UBR1: variants seen among roughly 807,000 people sequenced by gnomAD.
UBR1 encodes E3 ubiquitin-protein ligase UBR1.
In UBR1, 102 loss-of-function variants were observed where a neutral mutation model predicts 242.1. That is an observed-to-expected ratio of 0.42 (90% confidence interval 0.36 to 0.50). The LOEUF is 0.50. Among genes scored for constraint, UBR1 ranks in the 20% least tolerant of loss-of-function variants. The pLI, the probability that UBR1 is intolerant of heterozygous loss-of-function variation, is 0.01. For synonymous variants in UBR1, 675 were observed against 684.8 expected, an observed-to-expected ratio of 0.99 and a Z score of 0.22; for missense variants, 1,772 against 2,101.8, an observed-to-expected ratio of 0.84 and a Z score of 3.07.
chr15:43,001,469 C>T (rs777971589), intron 32 of UBR1, among the ~76,000 whole-genome samples: 20 of 152,364 alleles, frequency 1.3e-4, no homozygotes, highest in South Asian at 1.2e-3. Flanking sequence ...TATATTGACC[C>T]TTCTCGCCCA....
Position 42,945,134 on chromosome 15 carries a change from CT to C in UBR1, c.*194del. The C allele has an allele frequency of 1.5e-6, 1 of 680,636 alleles. No individual in the cohort carries two copies. The highest frequency in any genetic ancestry group is 2.5e-6 in the Non-Finnish European group (1 of 404,866). 42.2% of individuals were successfully genotyped at this position (680,636 alleles called of 1,614,324 possible). ...CACATAAAACAGATTGATCTATGTC[CT>C]TTTTTCCTGTGAAGCATATGTTTGC... On this transcript the variant is annotated 3_prime_UTR_variant, in exon 47 of 47. Coordinates refer to ENST00000290650, the MANE Select transcript of UBR1 (RefSeq NM_174916.3).
At chr15:42,966,131 A>G (rs2032101526) in intron 41 of UBR1, 22 bp downstream of exon 41, 1 of 1,614,106 alleles carries the variant, frequency 6.2e-7, no homozygotes, top group Non-Finnish European at 8.5e-7. Flanking sequence ...TTTCCACTCC[A>G]TGATTTCATT....
Position 43,029,928 on chromosome 15 carries a change from C to G in UBR1, c.2379+16G>C. The G allele has an allele frequency of 6.2e-7, 1 of 1,613,778 alleles. No individual in the cohort carries two copies. The highest frequency in any genetic ancestry group is 8.5e-7 in the Non-Finnish European group (1 of 1,179,888). On this transcript the variant is annotated intron_variant, in intron 21 of 46. Transcript: ENST00000290650. The stretch of plus-strand genomic sequence containing the variant: ...CATCTTGAGGTACATAGAGATAAAA[C>G]CAAAATCAGACTTACATTCTCAGGT...
intron 14 of UBR1, among the ~76,000 whole-genome samples, chr15:43,044,506 T>G (rs1464006743): frequency 6.6e-6 from 1 of 152,208 alleles, no homozygotes; most frequent in Non-Finnish European, 1.5e-5. Flanking sequence ...ATGTTTCTAA[T>G]TTAATCTTGA....
At position 43,031,127 on chromosome 15, in the gene UBR1, T is replaced by C. The variant is rs892496922; in HGVS notation, c.2255-1059A>G. On this transcript the variant is annotated intron_variant, in intron 20 of 46. Transcript: ENST00000290650. ...TAGAGTTCCTGATACTAAATCCAAA[T>C]ATTTTTCTATTTCTTAATGATTTTC... Among the ~76,000 whole-genome samples, 5 of 152,280 alleles carry C rather than the reference T, an allele frequency of 3.3e-5. No individual in the cohort carries two copies. The South Asian group carries it at 6.2e-4, about 19-fold the overall frequency.
chr15:42,977,643 T>C (rs1340901218), intron 38 of UBR1, among the ~76,000 whole-genome samples: 1 of 151,244 alleles, frequency 6.6e-6, no homozygotes, highest in East Asian at 1.9e-4. Context: ...CACCCACTAA[T>C]GTAATCAACC....
intron 19 of UBR1, 52 bp downstream of exon 19, chr15:43,036,126 T>C (rs890261815): frequency 7.1e-7 from 1 of 1,403,310 alleles, no homozygotes; most frequent in Admixed American, 1.7e-5. Context: ...ATGACTGAAA[T>C]AGTAACAATA....
chr15:43,009,695 T>G (rs1044101092), intron 29 of UBR1, among the ~76,000 whole-genome samples: 9 of 152,202 alleles, frequency 5.9e-5, no homozygotes, highest in African/African-American at 2.2e-4. Context: ...TAGTATGTAG[T>G]AGAGCCAGGA....
Position 43,048,446 on chromosome 15 carries a change from T to C in UBR1, c.1485A>G (p.Arg495=). 1.2e-6 allele frequency: 2 copies of C among 1,613,788 alleles called. No individual in the cohort carries two copies. The highest frequency in any genetic ancestry group is 1.7e-6 in the Non-Finnish European group (2 of 1,179,890). The change falls in exon 13 of 47, where the codon AGA becomes AGG. Residue 495 remains arginine (R), a synonymous_variant. Coordinates refer to ENST00000290650, the MANE Select transcript of UBR1 (RefSeq NM_174916.3). The part of the protein sequence containing the change: ...SKPTIWTERL[R]MQFLEGFRSF... ...ATCGAAAACCTTCAAGGAACTGCAT[T>C]CTTAATCTTTCTGTCCATATTGTGG...
At chr15:43,036,343 A>G (rs1246393259) in intron 18 of UBR1, 64 bp from the exon 19 acceptor site, 1 of 1,468,452 alleles carries the variant, frequency 6.8e-7, no homozygotes, top group African/African-American at 1.4e-5. Flanking sequence ...TGTCTCATGT[A>G]GGACTGTCAA....
At chr15:43,070,355 T>C (rs1011589343) in intron 5 of UBR1, among the ~76,000 whole-genome samples, 3 of 151,688 alleles carry the variant, frequency 2.0e-5, no homozygotes, top group African/African-American at 7.3e-5. Context: ...CCATCAAACT[T>C]TTCTTGATCA....
At position 42,970,600 on chromosome 15, in the gene UBR1, G is replaced by A. The variant is rs766773717; in HGVS notation, c.4377C>T (p.Pro1459=). 7.6e-5 allele frequency: 123 copies of A among 1,613,468 alleles called. No homozygotes were observed. The highest frequency in any genetic ancestry group is 1.0e-4 in the Non-Finnish European group (121 of 1,179,998). The change falls in exon 40 of 47, where the codon CCC becomes CCT. Residue 1459 remains proline, a synonymous_variant. Coordinates refer to ENST00000290650, the MANE Select transcript of UBR1 (RefSeq NM_174916.3). ...QILLTVDTGL[P]LAQVQEDSEE... is the part of the protein sequence containing the mutation. The stretch of plus-strand genomic sequence containing the variant: ...CACTGTCTTCTTGAACCTGAGCAAG[G>A]GGTAGGCCTGAAAAAGAAATTCTGC...
intron 45 of UBR1, 138 bp from the exon 46 acceptor site, chr15:42,950,501 T>TA: frequency 4.3e-6 from 3 of 699,502 alleles, no homozygotes; most frequent in Non-Finnish European, 7.7e-6. Context: ...AACAGACAAA[T>TA]AGACTAAATT....
chr15:43,054,361 A>C (rs889962590), intron 12 of UBR1, among the ~76,000 whole-genome samples: 5 of 152,120 alleles, frequency 3.3e-5, no homozygotes, highest in African/African-American at 1.2e-4. Flanking sequence ...AAAAAAAAAA[A>C]GAAAGAAATT....
At chr15:43,045,604 C>T (rs914105439) in intron 14 of UBR1, among the ~76,000 whole-genome samples, 1 of 152,026 alleles carries the variant, frequency 6.6e-6, no homozygotes, top group Admixed American at 6.6e-5. Flanking sequence ...GGTAGAAATA[C>T]AAGAGAAGAG....
rs201825283 is a variant in UBR1, at chr15:43,105,978, G to A, written c.45C>T (p.Ser15=). The A allele has an allele frequency of 9.3e-6, 15 of 1,614,040 alleles. No homozygotes were observed. Among genetic ancestry groups the A allele is most frequent in the Non-Finnish European group, 1.1e-5 (13 of 1,180,002 alleles). ...GCTGAGGGGTCTGGGGTAACTCCGC[G>A]CTGATTTCCATCCTCTCAGTACCTC... ...EAGGTERMEI[S]AELPQTPQRL... Residue 15 remains serine, a synonymous_variant, in exon 1 of 47, where the codon AGC becomes AGT. Transcript: ENST00000290650.
chr15:43,051,177 G>A (rs1019259007), intron 12 of UBR1, among the ~76,000 whole-genome samples: 2 of 152,158 alleles, frequency 1.3e-5, no homozygotes, highest in Admixed American at 6.6e-5. Flanking sequence ...CAACTTAAAT[G>A]CCCATCAGTG....
chr15:42,954,019 A>C (rs552021199), intron 44 of UBR1, among the ~76,000 whole-genome samples: 2 of 151,768 alleles, frequency 1.3e-5, no homozygotes, highest in East Asian at 3.9e-4. Flanking sequence ...AGTAGCTGAG[A>C]CTACAGGCAC....
At chr15:42,976,292 T>C (rs1286460136) in intron 39 of UBR1, among the ~76,000 whole-genome samples, 2 of 152,114 alleles carry the variant, frequency 1.3e-5, no homozygotes, top group East Asian at 1.9e-4. Context: ...CAGTAAGATA[T>C]AACCAGAAAT....
Sources: gnomAD v4.1 joint callset for allele counts (sites outside exome capture counted in the v4.1 genomes callset) on GRCh38, gnomAD v4.1.1 for gene constraint, MANE v1.5 for transcripts, NCBI Gene and HGNC (gene_info 2026-07-23, HGNC 2026-07-21) for gene names.